The following FBXL7 variants were observed in gnomAD, a reference collection of about 807,000 sequenced individuals.
FBXL7 encodes F-box and leucine rich repeat protein 7.
A neutral mutation model predicts 38.3 loss-of-function variants in FBXL7; 12 were observed. The ratio of observed to expected loss-of-function variants is 0.31; its 90% CI spans 0.20 to 0.51. FBXL7 has a LOEUF of 0.51. FBXL7 is among the 20% of genes least tolerant of loss of function. The pLI, the probability that FBXL7 is intolerant of heterozygous loss-of-function variation, is 0.98. For missense variants in FBXL7, 567 were observed against 676.4 expected, an observed-to-expected ratio of 0.84 and a Z score of 1.79; for synonymous variants, 297 against 300.9, an observed-to-expected ratio of 0.99 and a Z score of 0.13.
intron 2 of FBXL7, among the ~76,000 whole-genome samples, chr5:15,670,478 G>A (rs1482162046): frequency 6.6e-6 from 1 of 152,114 alleles, no homozygotes; most frequent in Non-Finnish European, 1.5e-5. Flanking sequence ...CAGATCTTTA[G>A]TTTATTGTCT....
intron 2 of FBXL7, among the ~76,000 whole-genome samples, chr5:15,835,293 T>C (rs1230991073): frequency 6.6e-6 from 1 of 152,214 alleles, no homozygotes; most frequent in East Asian, 1.9e-4. Context: ...TTTTCTTCTA[T>C]GTAGCACCAA....
intron 2 of FBXL7, among the ~76,000 whole-genome samples, chr5:15,640,545 A>C (rs1380010201): frequency 7.5e-6 from 1 of 133,474 alleles, no homozygotes; most frequent in Non-Finnish European, 1.6e-5. Context: ...TTTTTTTTTG[A>C]GGGAGTCTTG....
At chr5:15,758,482 C>T (rs1736358293) in intron 2 of FBXL7, among the ~76,000 whole-genome samples, 1 of 151,744 alleles carries the variant, frequency 6.6e-6, no homozygotes, top group Non-Finnish European at 1.5e-5. Flanking sequence ...GTATTGAGAT[C>T]AAAATACCCT....
chr5:15,743,368 G>T (rs528840527), intron 2 of FBXL7, among the ~76,000 whole-genome samples: 1 of 152,308 alleles, frequency 6.6e-6, no homozygotes, highest in South Asian at 2.1e-4. Context: ...AAACAAAGGG[G>T]CTACAGGCCT....
At chr5:15,566,838 G>T (rs1204960611) in intron 1 of FBXL7, among the ~76,000 whole-genome samples, 1 of 152,128 alleles carries the variant, frequency 6.6e-6, no homozygotes, top group Non-Finnish European at 1.5e-5. Flanking sequence ...TTGCCTTCCT[G>T]TTGGGGACTT....
At position 15,734,170 on chromosome 5, in the gene FBXL7, C is replaced by A. The variant is rs571948001; in HGVS notation, c.127+118098C>A. On this transcript the variant is annotated intron_variant, in intron 2 of 3. Coordinates refer to ENST00000504595, the MANE Select transcript of FBXL7 (RefSeq NM_012304.5). ...GCCTTTGCTGCCGCCCAGTCCCTGA[C>A]CTTGCTGTCCCCAGCTGCGCTGAGC... 6.6e-5 allele frequency among the ~76,000 whole-genome samples: 10 copies of A among 152,132 alleles called. No homozygotes were observed. In the South Asian group the frequency reaches 2.1e-3, roughly 32 times the overall value.
intron 2 of FBXL7, among the ~76,000 whole-genome samples, chr5:15,666,590 G>T (rs1221350433): frequency 1.3e-5 from 2 of 152,040 alleles, no homozygotes; most frequent in African/African-American, 2.4e-5. Context: ...TCATAACATT[G>T]TCTTATTCTT....
chr5:15,634,833 C>T (rs759110946), intron 2 of FBXL7, among the ~76,000 whole-genome samples: 7 of 152,076 alleles, frequency 4.6e-5, no homozygotes, highest in Non-Finnish European at 1.0e-4. Flanking sequence ...CCCTCTCCTG[C>T]ATCTTTAAAG....
chr5:15,730,466 G>C (rs1735552499), intron 2 of FBXL7, among the ~76,000 whole-genome samples: 2 of 151,888 alleles, frequency 1.3e-5, no homozygotes, highest in African/African-American at 4.8e-5. Flanking sequence ...TTCCTTCAAG[G>C]TCCCACAATA....
intron 1 of FBXL7, among the ~76,000 whole-genome samples, chr5:15,529,083 C>T (rs1330817951): frequency 3.3e-5 from 5 of 152,004 alleles, no homozygotes; most frequent in African/African-American, 1.2e-4. Context: ...GATCCTTCTA[C>T]CCCCGGCACC....
At chr5:15,637,463 A>G in intron 2 of FBXL7, among the ~76,000 whole-genome samples, 1 of 152,236 alleles carries the variant, frequency 6.6e-6, no homozygotes, top group Admixed American at 6.5e-5. Context: ...AGAAAGCAGA[A>G]AGCAAATGAC....
intron 2 of FBXL7, among the ~76,000 whole-genome samples, chr5:15,795,986 T>A (rs1336466207): frequency 3.3e-5 from 5 of 152,198 alleles, no homozygotes; most frequent in African/African-American, 1.2e-4. Context: ...CCATAATCTA[T>A]TTTGTCCTAT....
chr5:15,894,221 A>G (rs972753850), intron 2 of FBXL7, among the ~76,000 whole-genome samples: 5 of 152,218 alleles, frequency 3.3e-5, no homozygotes, highest in African/African-American at 9.6e-5. Flanking sequence ...AGATCGCACC[A>G]TTGCGCTCCA....
At chr5:15,675,818 C>A (rs1385822491) in intron 2 of FBXL7, among the ~76,000 whole-genome samples, 1 of 152,136 alleles carries the variant, frequency 6.6e-6, no homozygotes, top group African/African-American at 2.4e-5. Flanking sequence ...AGATTTCTTT[C>A]GACACCGAAG....
intron 1 of FBXL7, among the ~76,000 whole-genome samples, chr5:15,561,188 A>T (rs753426309): frequency 1.3e-5 from 2 of 152,176 alleles, no homozygotes; most frequent in Non-Finnish European, 2.9e-5. Context: ...TTCATCTGCT[A>T]TAACTGCATC....
intron 2 of FBXL7, among the ~76,000 whole-genome samples, chr5:15,696,602 G>A (rs1309274822): frequency 6.6e-6 from 1 of 152,042 alleles, no homozygotes; most frequent in Non-Finnish European, 1.5e-5. Flanking sequence ...TATTGCTTAC[G>A]GTAAGTTTTC....
At chr5:15,796,747 G>A (rs961789013) in intron 2 of FBXL7, among the ~76,000 whole-genome samples, 11 of 152,150 alleles carry the variant, frequency 7.2e-5, no homozygotes, top group South Asian at 4.1e-4. Flanking sequence ...AGGGCTCACC[G>A]GGATCCATTG....
chr5:15,934,049 G>A (rs1742112102), intron 3 of FBXL7, among the ~76,000 whole-genome samples: 1 of 152,118 alleles, frequency 6.6e-6, no homozygotes, highest in Non-Finnish European at 1.5e-5. Flanking sequence ...CTGTCACCTA[G>A]GCTGGAGTGC....
At chr5:15,591,438 A>G (rs1320754908) in intron 1 of FBXL7, among the ~76,000 whole-genome samples, 1 of 151,968 alleles carries the variant, frequency 6.6e-6, no homozygotes, top group Non-Finnish European at 1.5e-5. Flanking sequence ...CAAAAAAAAA[A>G]AAAAAGACTG....
Sources: gnomAD v4.1 joint callset for allele counts (sites outside exome capture counted in the v4.1 genomes callset) on GRCh38, gnomAD v4.1.1 for gene constraint, MANE v1.5 for transcripts, NCBI Gene and HGNC (gene_info 2026-07-23, HGNC 2026-07-21) for gene names.